The following STPG2 variants were observed in gnomAD, a reference collection of about 807,000 sequenced individuals.
STPG2 encodes sperm-tail PG-rich repeat-containing protein 2.
A neutral mutation model predicts 54.2 loss-of-function variants in STPG2; 56 were observed. The observed-to-expected ratio is 1.03, with a 90% CI of 0.83 to 1.29. The LOEUF is 1.29. Among genes scored for constraint, STPG2 ranks in the 50% most tolerant of loss-of-function variants. The pLI, the probability that STPG2 is intolerant of heterozygous loss-of-function variation, is 0.00. For synonymous variants in STPG2, 200 were observed against 181.8 expected (o/e 1.10, Z -0.81); for missense variants, 596 against 544.9 (o/e 1.09, Z -0.93).
intron 10 of STPG2, among the ~76,000 whole-genome samples, chr4:97,712,398 A>G (rs893833096): frequency 2.0e-5 from 3 of 152,184 alleles, no homozygotes; most frequent in African/African-American, 7.2e-5. Flanking sequence ...TCAATGTATG[A>G]ATACAAACAA....
intron 4 of STPG2, among the ~76,000 whole-genome samples, chr4:97,547,250 G>A (rs1490818506): frequency 6.7e-6 from 1 of 149,630 alleles, no homozygotes; most frequent in Non-Finnish European, 1.5e-5. Context: ...TCGCTCTGTC[G>A]CCCAGGCTGG....
At chr4:97,559,250 A>C (rs1732160421) in intron 10 of STPG2, 133 bp from the exon 11 acceptor site, 1 of 597,030 alleles carries the variant, frequency 1.7e-6, no homozygotes, top group East Asian at 3.0e-5. Flanking sequence ...AAATGATATA[A>C]TCTACTTACA....
intron 5 of STPG2, among the ~76,000 whole-genome samples, chr4:98,097,966 T>A (rs1341432426): frequency 4.6e-5 from 7 of 151,974 alleles, no homozygotes; most frequent in Non-Finnish European, 1.5e-5. Flanking sequence ...TGAAAGAAAT[T>A]GAAGCAGACA....
At chr4:97,837,854 G>A (rs946724021) in intron 9 of STPG2, among the ~76,000 whole-genome samples, 1 of 151,502 alleles carries the variant, frequency 6.6e-6, no homozygotes, top group African/African-American at 2.4e-5. Flanking sequence ...TAAATCCCAT[G>A]AGATTACAAT....
intron 4 of STPG2, among the ~76,000 whole-genome samples, chr4:97,473,918 T>A (rs548773077): frequency 3.1e-4 from 47 of 152,162 alleles, no homozygotes; most frequent in Non-Finnish European, 5.7e-4. Context: ...GAGTTTCCCC[T>A]GATAATTGGT....
intron 9 of STPG2, among the ~76,000 whole-genome samples, chr4:97,713,290 G>C (rs1183346172): frequency 6.6e-6 from 1 of 152,120 alleles, no homozygotes; most frequent in Non-Finnish European, 1.5e-5. Context: ...GTAAACAGAT[G>C]GTTTGCATGG....
chr4:97,539,886 A>G lies in STPG2; in HGVS notation c.462+172813T>C, dbSNP rs1174369550. 3.3e-5 allele frequency among the ~76,000 whole-genome samples: 5 copies of G among 152,250 alleles called. No homozygotes were observed. In the East Asian group the frequency reaches 9.6e-4, roughly 29 times the overall value. On this transcript the variant is annotated intron_variant, in intron 4 of 4. Transcript: ENST00000522676. The stretch of plus-strand genomic sequence containing the variant: ...CTGCTCCTGGATGACTACTGGGTAC[A>G]TAACGAAATGAAGGCAGAAATAAAG...
intron 5 of STPG2, among the ~76,000 whole-genome samples, chr4:98,030,732 C>G (rs542497410): frequency 6.6e-6 from 1 of 152,190 alleles, no homozygotes; most frequent in Admixed American, 6.5e-5. Context: ...AATAAGACCA[C>G]ACACCTACAA....
intron 9 of STPG2, among the ~76,000 whole-genome samples, chr4:97,817,219 T>G (rs1210663004): frequency 6.7e-6 from 1 of 149,894 alleles, no homozygotes; most frequent in African/African-American, 2.4e-5. Context: ...ACAGTTGTTA[T>G]GAAGATTCAA....
At chr4:97,701,402 T>A (rs980587597) in intron 10 of STPG2, among the ~76,000 whole-genome samples, 1 of 152,198 alleles carries the variant, frequency 6.6e-6, no homozygotes, top group African/African-American at 2.4e-5. Flanking sequence ...CCTGAATCAA[T>A]GTCAGCTCAG....
intron 4 of STPG2, among the ~76,000 whole-genome samples, chr4:97,531,371 A>G (rs111250708): frequency 4.2e-4 from 64 of 152,306 alleles, no homozygotes; most frequent in Middle Eastern, 3.4e-3. Context: ...CCCTAAAAGA[A>G]AGGAAATTAG....
At chr4:97,769,364 G>C (rs1726156118) in intron 9 of STPG2, among the ~76,000 whole-genome samples, 1 of 152,232 alleles carries the variant, frequency 6.6e-6, no homozygotes, top group South Asian at 2.1e-4. Flanking sequence ...CTGATTCCCA[G>C]ACATGTGAGC....
chr4:97,795,730 G>T (rs1335468506), intron 9 of STPG2, among the ~76,000 whole-genome samples: 1 of 152,156 alleles, frequency 6.6e-6, no homozygotes, highest in East Asian at 1.9e-4. Flanking sequence ...TGGGATGGCT[G>T]GGTCAAATGG....
intron 8 of STPG2, among the ~76,000 whole-genome samples, chr4:97,934,718 C>T (rs953521580): frequency 3.3e-5 from 5 of 152,074 alleles, no homozygotes; most frequent in East Asian, 1.9e-4. Flanking sequence ...CCGACATGAC[C>T]GTTGTGGATA....
chr4:97,590,052 A>G (rs1310040574), intron 10 of STPG2, among the ~76,000 whole-genome samples: 1 of 152,186 alleles, frequency 6.6e-6, no homozygotes, highest in Non-Finnish European at 1.5e-5. Context: ...TTAGCATCAG[A>G]TCATATTTAG....
At chr4:97,550,273 T>C (rs1731934933) in intron 4 of STPG2, among the ~76,000 whole-genome samples, 1 of 151,984 alleles carries the variant, frequency 6.6e-6, no homozygotes, top group African/African-American at 2.4e-5. Flanking sequence ...GTATTTTGTA[T>C]AGAAGGATAT....
At chr4:97,659,661 T>A (rs1722318176) in intron 10 of STPG2, among the ~76,000 whole-genome samples, 2 of 152,184 alleles carry the variant, frequency 1.3e-5, no homozygotes, top group African/African-American at 4.8e-5. Flanking sequence ...ACATAATCCT[T>A]GTAGGTTTCA....
chr4:97,658,203 G>A (rs895784632), intron 10 of STPG2, among the ~76,000 whole-genome samples: 3 of 152,138 alleles, frequency 2.0e-5, no homozygotes, highest in Admixed American at 6.6e-5. Context: ...TTTGTTTCTT[G>A]TGTCAGGATT....
chr4:97,612,225 CTTG>C (rs1268910642), intron 10 of STPG2, among the ~76,000 whole-genome samples: 2 of 145,086 alleles, frequency 1.4e-5, no homozygotes, highest in Non-Finnish European at 3.0e-5. Context: ...GATACATTTT[CTTG>C]TTGTAAAATG....
Sources: gnomAD v4.1 joint callset for allele counts (sites outside exome capture counted in the v4.1 genomes callset) on GRCh38, gnomAD v4.1.1 for gene constraint, MANE v1.5 for transcripts, NCBI Gene and HGNC (gene_info 2026-07-23, HGNC 2026-07-21) for gene names.